SEMA3A: variants seen among roughly 807,000 people sequenced by gnomAD.
The protein encoded by SEMA3A is semaphorin 3A, also known as semaphorin-3A.
In SEMA3A, 29 loss-of-function variants were observed where a neutral mutation model predicts 97.9. The observed-to-expected ratio is 0.30, with a 90% CI of 0.22 to 0.40. The LOEUF is 0.40. Among genes scored for constraint, SEMA3A ranks in the 10% least tolerant of loss-of-function variants. SEMA3A has a pLI of 1.00. For synonymous variants in SEMA3A, 321 were observed against 323.7 expected, an observed-to-expected ratio of 0.99 and a Z score of 0.09; for missense variants, 763 against 951.3, an observed-to-expected ratio of 0.80 and a Z score of 2.60.
At chr7:84,055,627 C>CCGGTA (rs1335406755) in intron 5 of SEMA3A, among the ~76,000 whole-genome samples, 1 of 152,198 alleles carries the variant, frequency 6.6e-6, no homozygotes, top group Non-Finnish European at 1.5e-5. Context: ...TGAGATGAAC[C>CCGGTA]CGGTACCTCA....
intron 1 of SEMA3A, among the ~76,000 whole-genome samples, chr7:84,440,213 G>A (rs1188405888): frequency 6.6e-6 from 1 of 152,162 alleles, no homozygotes; most frequent in Non-Finnish European, 1.5e-5. Flanking sequence ...TCTGGAGTCC[G>A]TTGATGGCTT....
chr7:83,987,787 C>A (rs748372894), intron 12 of SEMA3A, among the ~76,000 whole-genome samples: 123 of 117,586 alleles, frequency 1.0e-3, no homozygotes, highest in Non-Finnish European at 2.2e-3. Flanking sequence ...CTTATTAAGT[C>A]TTTCTTTGTT....
At chr7:84,056,101 T>C (rs771062337) in intron 5 of SEMA3A, among the ~76,000 whole-genome samples, 1 of 151,712 alleles carries the variant, frequency 6.6e-6, no homozygotes. Flanking sequence ...TGCTGACATA[T>C]GTAAACTATC....
At chr7:84,113,305 A>C (rs1354658812) in intron 3 of SEMA3A, among the ~76,000 whole-genome samples, 2 of 152,224 alleles carry the variant, frequency 1.3e-5, no homozygotes, top group Non-Finnish European at 2.9e-5. Context: ...GAAAACCTAC[A>C]TAAAAGAGTA....
At chr7:84,008,385 G>C (rs1381644333) in intron 9 of SEMA3A, among the ~76,000 whole-genome samples, 1 of 151,644 alleles carries the variant, frequency 6.6e-6, no homozygotes, top group Non-Finnish European at 1.5e-5. Context: ...CAGCTACTCG[G>C]GAGGCTGAGG....
At chr7:84,157,857 T>C (rs1796893601) in intron 1 of SEMA3A, among the ~76,000 whole-genome samples, 1 of 152,164 alleles carries the variant, frequency 6.6e-6, no homozygotes, top group South Asian at 2.1e-4. Context: ...CACTCAGAAC[T>C]ATCAGGCGTA....
intron 1 of SEMA3A, among the ~76,000 whole-genome samples, chr7:84,481,193 G>A (rs1806435333): frequency 6.6e-6 from 1 of 152,152 alleles, no homozygotes; most frequent in Non-Finnish European, 1.5e-5. Flanking sequence ...TGGTGGGGTT[G>A]ACCATTGAAA....
intron 3 of SEMA3A, among the ~76,000 whole-genome samples, chr7:84,243,804 G>T (rs1027417595): frequency 2.2e-4 from 34 of 152,074 alleles, no homozygotes; most frequent in African/African-American, 8.2e-4. Flanking sequence ...TTGTGTCTTT[G>T]TTGTCATTGG....
At chr7:84,478,913 C>G (rs1806372038) in intron 1 of SEMA3A, among the ~76,000 whole-genome samples, 1 of 151,860 alleles carries the variant, frequency 6.6e-6, no homozygotes, top group African/African-American at 2.4e-5. Context: ...ATATGACACG[C>G]CTGTGATTAT....
intron 2 of SEMA3A, among the ~76,000 whole-genome samples, chr7:84,351,813 G>T (rs1441695097): frequency 6.6e-6 from 1 of 151,860 alleles, no homozygotes; most frequent in Non-Finnish European, 1.5e-5. Flanking sequence ...ACATTATGGA[G>T]GTTCCTCAAA....
chr7:84,024,878 A>T (rs1791491896), intron 6 of SEMA3A, among the ~76,000 whole-genome samples: 1 of 152,178 alleles, frequency 6.6e-6, no homozygotes, highest in East Asian at 1.9e-4. Context: ...ACTTGAGGTG[A>T]GGAGTTCGAG....
At chr7:84,105,018 C>T (rs2115916340) in intron 4 of SEMA3A, among the ~76,000 whole-genome samples, 1 of 152,234 alleles carries the variant, frequency 6.6e-6, no homozygotes, top group African/African-American at 2.4e-5. Context: ...GGATATGCTG[C>T]ATCTGATGGA....
chr7:84,029,560 T>G (rs1450762286), intron 6 of SEMA3A, among the ~76,000 whole-genome samples: 1 of 152,192 alleles, frequency 6.6e-6, no homozygotes, highest in East Asian at 1.9e-4. Context: ...TATTTACAGA[T>G]GCTTCTTTGC....
At chr7:84,291,644 A>C (rs987684602) in intron 3 of SEMA3A, among the ~76,000 whole-genome samples, 1 of 152,094 alleles carries the variant, frequency 6.6e-6, no homozygotes, top group African/African-American at 2.4e-5. Flanking sequence ...TACCCCATAA[A>C]ATTTTTAAAA....
intron 3 of SEMA3A, among the ~76,000 whole-genome samples, chr7:84,203,908 G>C (rs1305663491): frequency 1.3e-5 from 2 of 151,830 alleles, no homozygotes; most frequent in East Asian, 3.9e-4. Flanking sequence ...TGGCATTAGA[G>C]AGAATTCTAA....
chr7:84,377,571 C>A (rs1803137038), intron 1 of SEMA3A, among the ~76,000 whole-genome samples: 1 of 152,074 alleles, frequency 6.6e-6, no homozygotes, highest in East Asian at 1.9e-4. Flanking sequence ...CTCAGAATTG[C>A]TTTGGTTATG....
chr7:84,458,513 T>C (rs1008716085), intron 1 of SEMA3A, among the ~76,000 whole-genome samples: 3 of 152,118 alleles, frequency 2.0e-5, no homozygotes, highest in Non-Finnish European at 4.4e-5. Flanking sequence ...TCTAATGTAC[T>C]CCAGTGGAAT....
intron 3 of SEMA3A, among the ~76,000 whole-genome samples, chr7:84,234,710 C>T (rs766383377): frequency 2.0e-5 from 3 of 152,078 alleles, no homozygotes; most frequent in Non-Finnish European, 4.4e-5. Context: ...CCAGCCCCAA[C>T]ACTCACTGCA....
Position 84,463,449 on chromosome 7 carries a change from C to T in SEMA3A, c.-246+29011G>A, listed in dbSNP as rs144684573. 7.2e-3 allele frequency among the ~76,000 whole-genome samples: 1,086 copies of T among 151,846 alleles called. 15 individuals carry two copies. Among genetic ancestry groups the T allele is most frequent in the African/African-American group, 0.025 (1,019 of 41,398 alleles). ...ATTTTTAGTAGAGACGGGGTTTCAC[C>T]GTGTTAGCCAGGATAGTCCCGATCT... On this transcript the variant is annotated intron_variant, in intron 1 of 3. Coordinates refer to the SEMA3A transcript ENST00000424555.
Sources: allele counts gnomAD v4.1 joint callset (sites outside exome capture counted in the v4.1 genomes callset), GRCh38; gene constraint gnomAD v4.1.1; transcripts MANE v1.5; gene names NCBI Gene and HGNC (gene_info 2026-07-23, HGNC 2026-07-21).